Variants in ZBTB41 observed in about 807,000 individuals in gnomAD.
ZBTB41 encodes zinc finger and BTB domain-containing protein 41.
A neutral mutation model predicts 87.6 loss-of-function variants in ZBTB41; 42 were observed. The observed-to-expected ratio is 0.48, with a 90% CI of 0.37 to 0.62. The LOEUF (loss-of-function observed/expected upper bound fraction) is 0.62, where lower values mean the gene tolerates loss of function less well. ZBTB41 is among the 20% of genes least tolerant of loss of function. The pLI is 0.00. For missense variants in ZBTB41, 799 were observed against 1,078.9 expected, an observed-to-expected ratio of 0.74 and a Z score of 3.63; for synonymous variants, 364 against 364.0, an observed-to-expected ratio of 1.00 and a Z score of 0.00.
intron 2 of ZBTB41, among the ~76,000 whole-genome samples, chr1:197,192,587 T>G (rs1404315405): frequency 6.6e-6 from 1 of 152,116 alleles, no homozygotes; most frequent in Non-Finnish European, 1.5e-5. Context: ...AATTAGAAAT[T>G]TTGAAATATA....
chr1:197,160,762 TAA>T (rs1488606177), intron 10 of ZBTB41, among the ~76,000 whole-genome samples: 2 of 152,140 alleles, frequency 1.3e-5, no homozygotes, highest in East Asian at 3.9e-4. Context: ...ACTTATGTGG[TAA>T]AAGAGACTTT....
In ZBTB41 at chr1:197,159,989, A is replaced by G. The variant is rs753578655; in HGVS notation, c.2100T>C (p.Ile700=). Residue 700 remains isoleucine (I), a synonymous_variant, in exon 11 of 11, where the codon ATT becomes ATC. Transcript: ENST00000367405. Reference sequence around the variant, plus strand: ...TCTTAATTCTAAAAGACTGATTGCAAATTTGACACTTGTATGGTTTTTCAC... The same window carrying G: ...TCTTAATTCTAAAAGACTGATTGCAGATTTGACACTTGTATGGTTTTTCAC... The part of the protein sequence containing the change: ...HSGEKPYKCQ[I]CNQSFRIKKT... 9.3e-6 allele frequency: 15 copies of G among 1,612,784 alleles called. No individual in the cohort carries two copies. The South Asian group carries it at 1.2e-4, about 13-fold the overall frequency.
chr1:197,199,517 G>C lies in ZBTB41; in HGVS notation c.957C>G (p.Asp319Glu). 1 of 1,611,618 alleles carries C rather than the reference G, an allele frequency of 6.2e-7. No individual in the cohort carries two copies. Among genetic ancestry groups the C allele is most frequent in the Non-Finnish European group, 8.5e-7 (1 of 1,179,344 alleles). Reference sequence around the variant, plus strand: ...GATCCTTTTCACTTTGTTCTTCAATGTCAGAGTACTCATCTGACATCTCCT... The same window carrying C: ...GATCCTTTTCACTTTGTTCTTCAATCTCAGAGTACTCATCTGACATCTCCT... ...LEEEMSDEYS[D>E]IEEQSEKDHN... The change falls in exon 2 of 11, where the codon GAC (aspartate) becomes GAG (glutamate). Residue 319 changes from aspartate (D) to glutamate (E), a missense_variant. Physicochemically the swap from Asp to Glu is conservative, Grantham distance 45 (BLOSUM62 2). Coordinates refer to ENST00000367405, the MANE Select transcript of ZBTB41 (RefSeq NM_194314.3).
chr1:197,175,447 T>TATATATATATATATATATATA (rs1553231080), intron 8 of ZBTB41, among the ~76,000 whole-genome samples: 1 of 142,732 alleles, frequency 7.0e-6, no homozygotes, highest in African/African-American at 2.5e-5. Context: ...TATATATATA[T>TATATATATATATATATATATA]ATGTCTGTAT....
chr1:197,176,086 G>A (rs1659600092), intron 8 of ZBTB41: 1 of 155,030 alleles, frequency 6.5e-6, no homozygotes, highest in Non-Finnish European at 1.4e-5. Flanking sequence ...AATTGGTCAG[G>A]ATTATTAAGG....
chr1:197,156,772 T>C lies in ZBTB41; in HGVS notation c.*2587A>G, dbSNP rs1659077475. 2 of 152,248 alleles carry C rather than the reference T, an allele frequency of 1.3e-5. No homozygotes were observed. The highest frequency in any genetic ancestry group is 3.0e-5 in the Non-Finnish European group (2 of 67,770). 9.4% of individuals were successfully genotyped at this position (152,248 alleles called of 1,614,324 possible). A position where few individuals can be genotyped will look rare whatever the true frequency, so the allele number is the denominator to read the frequency against. ...GTTGTTTTCAATCATCCACTGAAAC[T>C]ATTACTTCACCAGAATTATATTACG... On this transcript the variant is annotated 3_prime_UTR_variant, in exon 11 of 11. Coordinates refer to ENST00000367405, the MANE Select transcript of ZBTB41 (RefSeq NM_194314.3).
chr1:197,184,633 A>G lies in ZBTB41; in HGVS notation c.1547-3516T>C, dbSNP rs538820910. Among the ~76,000 whole-genome samples the G allele has an allele frequency of 2.3e-4, 35 of 152,264 alleles. 1 individual carries two copies. The highest frequency in any genetic ancestry group is 8.4e-4 in the African/African-American group (35 of 41,562). ...ACTTTTATTAATATAGTTTAAAACTACATTTGTTTTGTAAATCATATCACA... is the reference window on the plus strand; with the variant it reads ...ACTTTTATTAATATAGTTTAAAACTGCATTTGTTTTGTAAATCATATCACA... On this transcript the variant is annotated intron_variant, in intron 5 of 10. Transcript: ENST00000367405.
At position 197,197,700 on chromosome 1, in the gene ZBTB41, T is replaced by C. The variant is rs192266525; in HGVS notation, c.1120+1654A>G. Among the ~76,000 whole-genome samples, 3 of 152,178 alleles carry C rather than the reference T, an allele frequency of 2.0e-5. No individual in the cohort carries two copies. In the East Asian group the frequency reaches 5.8e-4, roughly 29 times the overall value. ...TGCAGAAAACTCTAGTTTCCTAGGATGCTCAAAGAAGTACCTCCAAAGTAT... is the reference window on the plus strand; with the variant it reads ...TGCAGAAAACTCTAGTTTCCTAGGACGCTCAAAGAAGTACCTCCAAAGTAT... On this transcript the variant is annotated intron_variant, in intron 2 of 10. Transcript: ENST00000367405.
chr1:197,198,497 T>A (rs751824229), intron 2 of ZBTB41, among the ~76,000 whole-genome samples: 4 of 152,158 alleles, frequency 2.6e-5, no homozygotes, highest in Non-Finnish European at 5.9e-5. Flanking sequence ...AATTTTTTTT[T>A]ATCATTATAT....
At chr1:197,183,275 G>A (rs1659801099) in intron 5 of ZBTB41, among the ~76,000 whole-genome samples, 1 of 152,152 alleles carries the variant, frequency 6.6e-6, no homozygotes, top group Admixed American at 6.5e-5. Flanking sequence ...CTCTACATTT[G>A]GCACTTATAC....
At position 197,157,816 on chromosome 1, in the gene ZBTB41, A is replaced by G. The variant is rs1293615897; in HGVS notation, c.*1543T>C. 1 of 152,276 alleles carries G rather than the reference A, an allele frequency of 6.6e-6. No homozygotes were observed. Among genetic ancestry groups the G allele is most frequent in the African/African-American group, 2.4e-5 (1 of 41,394 alleles). The allele number at this position is 152,276 out of a possible 1,614,324, so 9.4% of individuals were successfully genotyped here. A position where few individuals can be genotyped will look rare whatever the true frequency, so the allele number is the denominator to read the frequency against. On this transcript the variant is annotated 3_prime_UTR_variant, in exon 11 of 11. Transcript: ENST00000367405. ...TGCTTCAGCGACAGTTTCCGCCATT[A>G]CTAATTGATTAAACTTTATTCATTA...
At chr1:197,189,785 T>C (rs992487087) in intron 4 of ZBTB41, among the ~76,000 whole-genome samples, 3 of 152,150 alleles carry the variant, frequency 2.0e-5, no homozygotes, top group Non-Finnish European at 4.4e-5. Context: ...TCTTGGAACT[T>C]AGTTGCTATG....
chr1:197,169,643 G>T (rs1659430895), intron 10 of ZBTB41, among the ~76,000 whole-genome samples: 1 of 151,882 alleles, frequency 6.6e-6, no homozygotes, highest in Non-Finnish European at 1.5e-5. Flanking sequence ...TACATTGATG[G>T]ATTCATTCAT....
Position 197,199,455 on chromosome 1 carries a change from G to C in ZBTB41, c.1019C>G (p.Ser340Cys), listed in dbSNP as rs1660245966. Reference sequence around the variant, plus strand: ...TAACCCCTCATGAACATTTCCTACAGAATCACCAGCCTCAGGTTCTTCTTC... The same window carrying C: ...TAACCCCTCATGAACATTTCCTACACAATCACCAGCCTCAGGTTCTTCTTC... ...DAEEEPEAGD[S>C]VGNVHEGLTP... The change falls in exon 2 of 11, where the codon TCT (serine) becomes TGT (cysteine). Residue 340 changes from serine (S) to cysteine (C), a missense_variant. This residue lies in a region of ZBTB41 where 294 missense variants were observed against 340.1 expected (regional missense o/e 0.86). Coordinates refer to ENST00000367405, the MANE Select transcript of ZBTB41 (RefSeq NM_194314.3). The C allele has an allele frequency of 1.2e-6, 2 of 1,612,568 alleles. No homozygotes were observed. Among genetic ancestry groups the C allele is most frequent in the Non-Finnish European group, 8.5e-7 (1 of 1,179,632 alleles).
intron 2 of ZBTB41, among the ~76,000 whole-genome samples, chr1:197,198,796 G>T (rs776921721): frequency 6.6e-6 from 1 of 152,026 alleles, no homozygotes; most frequent in Non-Finnish European, 1.5e-5. Context: ...TATAACCAGA[G>T]TGCTACTAAC....
intron 2 of ZBTB41, among the ~76,000 whole-genome samples, chr1:197,198,221 A>G (rs545931665): frequency 5.3e-5 from 8 of 152,304 alleles, no homozygotes; most frequent in Non-Finnish European, 1.0e-4. Context: ...ACACAGCCTC[A>G]GTTAAAATAT....
rs1227352034 is a variant in ZBTB41, at chr1:197,157,027, T to C, written c.*2332A>G. 2 of 152,206 alleles carry C rather than the reference T, an allele frequency of 1.3e-5. No homozygotes were observed. The highest frequency in any genetic ancestry group is 4.8e-5 in the African/African-American group (2 of 41,410). 9.4% of individuals were successfully genotyped at this position (152,206 alleles called of 1,614,324 possible). A position where few individuals can be genotyped will look rare whatever the true frequency, so the allele number is the denominator to read the frequency against. On this transcript the variant is annotated 3_prime_UTR_variant, in exon 11 of 11. Transcript: ENST00000367405. The stretch of plus-strand genomic sequence containing the variant: ...TGAGGTTCAAATGAGATAACATATA[T>C]GAAAGCATTTTATAAAACAGTAAAT...
At chr1:197,172,085 A>G in intron 10 of ZBTB41, 75 bp downstream of exon 10, 1 of 563,204 alleles carries the variant, frequency 1.8e-6, no homozygotes, top group Non-Finnish European at 2.7e-6. Flanking sequence ...TTAAATGCCT[A>G]TATTTTACTT....
In ZBTB41 at chr1:197,181,061, G is replaced by A; in HGVS notation, c.1603C>T (p.Arg535Cys). Residue 535 changes from arginine to cysteine, a missense_variant, in exon 6 of 11, where the codon CGT becomes TGT. This residue lies in a region of ZBTB41 where 198 missense variants were observed against 358.4 expected (regional missense o/e 0.55). Coordinates refer to ENST00000367405, the MANE Select transcript of ZBTB41 (RefSeq NM_194314.3). ...CCACCATGAGTACATTCTATATGACGTTTCAAATTTCCAGTGTCGTTAAAC... is the reference window on the plus strand; with the variant it reads ...CCACCATGAGTACATTCTATATGACATTTCAAATTTCCAGTGTCGTTAAAC... ...RQFNDTGNLKRHIECTHGGKR... is the reference protein window; with the variant it reads ...RQFNDTGNLKCHIECTHGGKR... 2.5e-6 allele frequency: 4 copies of A among 1,604,010 alleles called. No homozygotes were observed. Among genetic ancestry groups the A allele is most frequent in the East Asian group, 2.2e-5 (1 of 44,500 alleles).
Sources: allele counts gnomAD v4.1 joint callset (sites outside exome capture counted in the v4.1 genomes callset), GRCh38; gene constraint gnomAD v4.1.1; regional missense constraint gnomAD v4.1.1; transcripts MANE v1.5; gene names NCBI Gene and HGNC (gene_info 2026-07-23, HGNC 2026-07-21).